The following RAPGEF4 variants were observed in gnomAD, a reference collection of about 807,000 sequenced individuals.
RAPGEF4 encodes RAP guanine-nucleotide-exchange factor (GEF) 4.
A neutral mutation model predicts 147.9 loss-of-function variants in RAPGEF4; 66 were observed. That is an observed-to-expected ratio of 0.45 (90% CI 0.37 to 0.55). The LOEUF is 0.55. Among genes scored for constraint, RAPGEF4 ranks in the 20% least tolerant of loss-of-function variants. The pLI, the probability that RAPGEF4 is intolerant of heterozygous loss-of-function variation, is 0.00. For missense variants in RAPGEF4, 1,071 were observed against 1,257.3 expected, an observed-to-expected ratio of 0.85 and a Z score of 2.24; for synonymous variants, 419 against 442.7, an observed-to-expected ratio of 0.95 and a Z score of 0.67.
intron 1 of RAPGEF4, among the ~76,000 whole-genome samples, chr2:172,765,141 T>G (rs1391973581): frequency 6.6e-6 from 1 of 152,230 alleles, no homozygotes; most frequent in Non-Finnish European, 1.5e-5. Context: ...CTCCAATTGC[T>G]GCCTCCATCA....
rs11432810 is a variant in RAPGEF4 at position 172,833,205 on chromosome 2, G to GAA, written c.444+18793_444+18794dup. Among the ~76,000 whole-genome samples, 834 of 131,046 alleles carry GAA rather than the reference G, an allele frequency of 6.4e-3. 6 individuals are homozygous for GAA. The highest frequency in any genetic ancestry group is 0.015 in the African/African-American group (529 of 34,610). The allele number at this position is 131,046 out of a possible 152,430, so 86.0% of individuals were successfully genotyped here. On this transcript the variant is annotated intron_variant, in intron 4 of 30. Coordinates refer to ENST00000397081, the MANE Select transcript of RAPGEF4 (RefSeq NM_007023.4). ...GGCGACAGAGCGAGACTCCGTCTCAGAAAAAAAAAAAAAATCCAAAAAAGG... is the reference window on the plus strand; with the variant it reads ...GGCGACAGAGCGAGACTCCGTCTCAGAAAAAAAAAAAAAAAATCCAAAAAAGG...
chr2:173,048,525 G>A, intron 29 of RAPGEF4, 75 bp from the exon 30 acceptor site: 2 of 1,595,254 alleles, frequency 1.3e-6, no homozygotes, highest in Non-Finnish European at 1.7e-6. Flanking sequence ...TTGCAGAAAT[G>A]GTTTGTTTTC....
chr2:172,797,613 G>A lies in RAPGEF4; in HGVS notation c.297G>A (p.Gln99=). ...AAGTATCTGAGACCAGCAGTCACCA[G>A]GTAATATGGTCTATTTTTTTGAAAG... The part of the protein sequence containing the change: ...DVKVSETSSH[Q]DAVTICTLGI... Residue 99 remains glutamine, a splice_region_variant and synonymous_variant, in exon 3 of 31, where the codon CAG becomes CAA. Transcript: ENST00000397081. 6.2e-7 allele frequency: 1 copy of A among 1,608,322 alleles called. No homozygotes were observed. The highest frequency in any genetic ancestry group is 8.5e-7 in the Non-Finnish European group (1 of 1,175,496).
chr2:172,914,810 C>T (rs936125891), intron 4 of RAPGEF4, among the ~76,000 whole-genome samples: 9 of 152,096 alleles, frequency 5.9e-5, no homozygotes, highest in African/African-American at 2.2e-4. Context: ...GGAACTTTGC[C>T]AATTCTGACA....
Position 172,967,314 on chromosome 2 carries a change from G to C in RAPGEF4, c.874G>C (p.Asp292His). The C allele has an allele frequency of 6.2e-7, 1 of 1,612,298 alleles. No homozygotes were observed. Among genetic ancestry groups the C allele is most frequent in the Non-Finnish European group, 8.5e-7 (1 of 1,179,708 alleles). The stretch of plus-strand genomic sequence containing the variant: ...ATATTTATTCTATCGATTTCTGGAT[G>C]ATGAGCACGAGGATGCCCCTTTGCC... ...DKYLFYRFLD[D>H]EHEDAPLPTE... The change falls in exon 10 of 31, where the codon GAT (aspartate) becomes CAT (histidine). Residue 292 changes from aspartate to histidine, a missense_variant. Transcript: ENST00000397081.
In RAPGEF4 at chr2:172,910,365, A is replaced by G. The variant is rs75618547; in HGVS notation, c.445-7437A>G. Among the ~76,000 whole-genome samples the G allele has an allele frequency of 4.1e-3, 621 of 152,350 alleles. 3 individuals are homozygous for G. Among genetic ancestry groups the G allele is most frequent in the Non-Finnish European group, 6.1e-3 (414 of 68,026 alleles). On this transcript the variant is annotated intron_variant, in intron 4 of 30. Coordinates refer to ENST00000397081, the MANE Select transcript of RAPGEF4 (RefSeq NM_007023.4). ...ACAGCTTCCCTGTTGAATGTGGCTCATTAACTTCCAAGGTGATCTTCCAGC... is the reference window on the plus strand; with the variant it reads ...ACAGCTTCCCTGTTGAATGTGGCTCGTTAACTTCCAAGGTGATCTTCCAGC...
chr2:172,799,846 C>T (rs907831003), intron 3 of RAPGEF4, among the ~76,000 whole-genome samples: 1 of 152,180 alleles, frequency 6.6e-6, no homozygotes, highest in Non-Finnish European at 1.5e-5. Context: ...AACACCAGCT[C>T]TTATGTGCTG....
chr2:173,016,957 G>A (rs1195240801), intron 19 of RAPGEF4, among the ~76,000 whole-genome samples: 1 of 152,124 alleles, frequency 6.6e-6, no homozygotes, highest in Non-Finnish European at 1.5e-5. Context: ...TTTGAACATC[G>A]GTTCTGCCAG....
intron 16 of RAPGEF4, among the ~76,000 whole-genome samples, chr2:173,000,811 C>A (rs1693840233): frequency 6.8e-6 from 1 of 148,112 alleles, no homozygotes; most frequent in African/African-American, 2.5e-5. Context: ...TTACCACGTC[C>A]TGATTCTGTA....
At chr2:172,943,671 A>G (rs1687392242) in intron 6 of RAPGEF4, among the ~76,000 whole-genome samples, 1 of 152,242 alleles carries the variant, frequency 6.6e-6, no homozygotes, top group South Asian at 2.1e-4. Context: ...AAATGAGATA[A>G]GAATGGAATG....
At chr2:172,861,902 T>C (rs1388769901) in intron 4 of RAPGEF4, among the ~76,000 whole-genome samples, 1 of 152,236 alleles carries the variant, frequency 6.6e-6, no homozygotes, top group Non-Finnish European at 1.5e-5. Context: ...TCCTTGAACT[T>C]GTCCTTGTTT....
chr2:173,023,761 A>G lies in RAPGEF4; in HGVS notation c.2254-2811A>G, dbSNP rs115735598. ...AAACTTGTCCCCCTTATGTAAAGTT[A>G]TAAAGCCTCAAGGAAAAGAAGGAGC... On this transcript the variant is annotated intron_variant, in intron 23 of 30. Transcript: ENST00000397081. Among the ~76,000 whole-genome samples, 323 of 152,328 alleles carry G rather than the reference A, an allele frequency of 2.1e-3. 1 individual carries two copies. Among genetic ancestry groups the G allele is most frequent in the Non-Finnish European group, 4.0e-3 (270 of 68,026 alleles).
At chr2:172,987,730 T>C (rs1052105899) in intron 12 of RAPGEF4, among the ~76,000 whole-genome samples, 3 of 152,164 alleles carry the variant, frequency 2.0e-5, no homozygotes, top group Non-Finnish European at 4.4e-5. Flanking sequence ...TGAGCATCTG[T>C]GGATTTTGAT....
chr2:173,050,789 ACT>A (rs1376134890), intron 30 of RAPGEF4, among the ~76,000 whole-genome samples: 77 of 150,290 alleles, frequency 5.1e-4, no homozygotes, highest in African/African-American at 1.8e-3. Flanking sequence ...AGATCTGGCA[ACT>A]CTAGGCACAG....
At chr2:172,886,482 A>G (rs931599416) in intron 4 of RAPGEF4, among the ~76,000 whole-genome samples, 3 of 152,236 alleles carry the variant, frequency 2.0e-5, no homozygotes, top group African/African-American at 7.2e-5. Context: ...TCCCTGACAC[A>G]AAGTAGACAT....
chr2:173,052,549 G>A lies in RAPGEF4; in HGVS notation c.*782G>A, dbSNP rs1044652434. ...TTTCAAAATTGAAATATTTTCCTGG[G>A]CATTAAAAACCTTTACTATTGGCTA... is the stretch of plus-strand genomic sequence containing the variant. On this transcript the variant is annotated 3_prime_UTR_variant, in exon 31 of 31. Coordinates refer to ENST00000397081, the MANE Select transcript of RAPGEF4 (RefSeq NM_007023.4). The A allele has an allele frequency of 7.9e-5, 12 of 152,464 alleles. No homozygotes were observed. The highest frequency in any genetic ancestry group is 1.3e-4 in the Non-Finnish European group (9 of 68,012). The allele number at this position is 152,464 out of a possible 1,614,324, so 9.4% of individuals were successfully genotyped here.
chr2:173,025,375 A>G (rs1696558985), intron 23 of RAPGEF4, among the ~76,000 whole-genome samples: 1 of 152,252 alleles, frequency 6.6e-6, no homozygotes. Flanking sequence ...TGGAACTTGT[A>G]TAATATTAGG....
intron 4 of RAPGEF4, among the ~76,000 whole-genome samples, chr2:172,831,265 A>AGTTTTTTTTTTTTTT (rs1491195850): frequency 6.0e-5 from 1 of 16,624 alleles, no homozygotes; most frequent in Non-Finnish European, 1.5e-4. Context: ...CAGATAGAAA[A>AGTTTTTTTTTTTTTT]CTTTTTTTTT....
Position 172,795,026 on chromosome 2 carries a change from C to A in RAPGEF4, c.67C>A (p.Pro23Thr). The change falls in exon 2 of 31, where the codon CCA becomes ACA. Residue 23 changes from proline (P) to threonine (T), a missense_variant and splice_region_variant. Transcript: ENST00000397081. Reference protein sequence around the residue: ...AEWIACLDKRPLERSSEDVDI... With the variant: ...AEWIACLDKRTLERSSEDVDI... ...TTTGTGCCTTTTCTCCCTATACAGA[C>A]CACTGGAGCGATCCAGCGAAGATGT... 2 of 1,613,818 alleles carry A rather than the reference C, an allele frequency of 1.2e-6. No individual in the cohort carries two copies. The highest frequency in any genetic ancestry group is 1.3e-5 in the African/African-American group (1 of 75,036).
Sources: gnomAD v4.1 joint callset for allele counts (sites outside exome capture counted in the v4.1 genomes callset) on GRCh38, gnomAD v4.1.1 for gene constraint, MANE v1.5 for transcripts, NCBI Gene and HGNC (gene_info 2026-07-23, HGNC 2026-07-21) for gene names.